SAMD4A: variants seen among roughly 807,000 people sequenced by gnomAD.
SAMD4A encodes the protein sterile alpha motif domain containing 4A, also known as protein Smaug homolog 1.
In SAMD4A, 33 loss-of-function variants were observed where a neutral mutation model predicts 81.3. The observed-to-expected ratio is 0.41, with a 90% CI of 0.31 to 0.54. The LOEUF is 0.54. Ranked by LOEUF, SAMD4A falls within the 20% of genes least tolerant of loss-of-function variation. SAMD4A has a pLI of 0.37. For missense variants in SAMD4A, 854 were observed against 951.1 expected (o/e 0.90, Z 1.34); for synonymous variants, 389 against 382.1 (o/e 1.02, Z -0.21).
intron 2 of SAMD4A, among the ~76,000 whole-genome samples, chr14:54,659,398 G>A (rs2035590459): frequency 6.6e-6 from 1 of 152,156 alleles, no homozygotes; most frequent in African/African-American, 2.4e-5. Context: ...CTGTGTGTGT[G>A]TGTGCGTGCG....
intron 2 of SAMD4A, among the ~76,000 whole-genome samples, chr14:54,691,114 C>T (rs1015800576): frequency 4.6e-5 from 7 of 152,302 alleles, no homozygotes; most frequent in South Asian, 2.1e-4. Flanking sequence ...TCAACTCTGC[C>T]TCTGCGTCTG....
chr14:54,708,385 C>T (rs1349672275), intron 3 of SAMD4A, among the ~76,000 whole-genome samples: 2 of 152,140 alleles, frequency 1.3e-5, no homozygotes, highest in African/African-American at 4.8e-5. Flanking sequence ...ATGAGTTTGG[C>T]ATGTCTGTTG....
intron 3 of SAMD4A, among the ~76,000 whole-genome samples, chr14:54,710,921 A>G (rs2036973922): frequency 6.6e-6 from 1 of 152,204 alleles, no homozygotes; most frequent in African/African-American, 2.4e-5. Context: ...AATTCCTGGC[A>G]CAGATTCAGC....
intron 2 of SAMD4A, among the ~76,000 whole-genome samples, chr14:54,592,738 C>T (rs1389115556): frequency 1.3e-5 from 2 of 152,176 alleles, no homozygotes; most frequent in East Asian, 1.9e-4. Context: ...GGATTACAGG[C>T]GTGAGCCACC....
In SAMD4A at chr14:54,737,072, T is replaced by C. The variant is rs2037713816; in HGVS notation, c.764T>C (p.Leu255Pro). Residue 255 changes from leucine (L) to proline (P), a missense_variant, in exon 4 of 13, where the codon CTT (leucine) becomes CCT (proline). Transcript: ENST00000554335. ...HHSPLKRSVS[L>P]TPPMNVPNQP... is the part of the protein sequence containing the mutation. Reference sequence around the variant, plus strand: ...AGCCCTTTGAAACGATCTGTGTCCCTTACCCCACCCATGAATGTGCCAAAC... The same window carrying C: ...AGCCCTTTGAAACGATCTGTGTCCCCTACCCCACCCATGAATGTGCCAAAC... 6.2e-7 allele frequency: 1 copy of C among 1,613,978 alleles called. No homozygotes were observed. The highest frequency in any genetic ancestry group is 8.5e-7 in the Non-Finnish European group (1 of 1,180,008).
rs1169555064 is a variant in SAMD4A at position 54,764,452 on chromosome 14, C to T, written c.1511-3C>T. 1 of 1,588,284 alleles carries T rather than the reference C, an allele frequency of 6.3e-7. No individual in the cohort carries two copies. Among genetic ancestry groups the T allele is most frequent in the Non-Finnish European group, 8.6e-7 (1 of 1,165,226 alleles). ...CTAATTCATCTTTTCTTTTTAATTA[C>T]AGTGTGCACACAGCTCTTGGTCTCC... On this transcript the variant is annotated splice_region_variant and splice_polypyrimidine_tract_variant and intron_variant, in intron 7 of 12. Coordinates refer to ENST00000554335, the MANE Select transcript of SAMD4A (RefSeq NM_015589.6).
At chr14:54,730,477 G>A (rs1166644502) in intron 3 of SAMD4A, among the ~76,000 whole-genome samples, 3 of 152,168 alleles carry the variant, frequency 2.0e-5, no homozygotes. Context: ...TTGCTTTGTA[G>A]CATGTTCTCT....
chr14:54,745,547 A>T (rs950392337), intron 4 of SAMD4A, among the ~76,000 whole-genome samples: 8 of 152,152 alleles, frequency 5.3e-5, no homozygotes, highest in Non-Finnish European at 1.2e-4. Context: ...TGCTGTTATA[A>T]TTTTTGTATA....
chr14:54,580,146 G>C (rs1199320540), intron 2 of SAMD4A, among the ~76,000 whole-genome samples: 1 of 152,196 alleles, frequency 6.6e-6, no homozygotes, highest in Non-Finnish European at 1.5e-5. Flanking sequence ...CCTGTTAGTA[G>C]GGGAAGAGCT....
intron 2 of SAMD4A, among the ~76,000 whole-genome samples, chr14:54,575,278 C>T (rs568862797): frequency 6.8e-4 from 104 of 152,180 alleles, no homozygotes; most frequent in African/African-American, 2.4e-3. Context: ...CTCCTCAGTC[C>T]GATGCTCTTT....
chr14:54,785,942 C>T (rs2039129253), intron 12 of SAMD4A, among the ~76,000 whole-genome samples: 1 of 152,228 alleles, frequency 6.6e-6, no homozygotes, highest in Non-Finnish European at 1.5e-5. Flanking sequence ...CATTTGCGAG[C>T]CACTGCTCTC....
At chr14:54,672,742 T>C (rs1245836141) in intron 2 of SAMD4A, among the ~76,000 whole-genome samples, 1 of 152,236 alleles carries the variant, frequency 6.6e-6, no homozygotes, top group Non-Finnish European at 1.5e-5. Context: ...CAAGGTAGCA[T>C]GTAAATAAGT....
intron 9 of SAMD4A, among the ~76,000 whole-genome samples, chr14:54,773,338 T>TC (rs2038754453): frequency 1.3e-5 from 2 of 152,182 alleles, no homozygotes; most frequent in Non-Finnish European, 2.9e-5. Context: ...CAGCCCTGCT[T>TC]CCCGGAGTCT....
intron 2 of SAMD4A, among the ~76,000 whole-genome samples, chr14:54,613,124 A>AAG (rs1555336308): frequency 1.8e-5 from 2 of 113,598 alleles, no homozygotes; most frequent in African/African-American, 7.2e-5. Flanking sequence ...AAGAAAGAAA[A>AAG]AGAGAGAGAG....
chr14:54,598,801 C>T lies in SAMD4A; in HGVS notation c.196+30689C>T, dbSNP rs553998749. On this transcript the variant is annotated intron_variant, in intron 2 of 12. Transcript: ENST00000554335. ...CGTGTGTTATTTACATTTCTGTTCCCTCTCCCCTCCCCTCCCCTCCCCTTC... is the reference window on the plus strand; with the variant it reads ...CGTGTGTTATTTACATTTCTGTTCCTTCTCCCCTCCCCTCCCCTCCCCTTC... 7.2e-5 allele frequency among the ~76,000 whole-genome samples: 11 copies of T among 151,920 alleles called. No homozygotes were observed. In the East Asian group the frequency reaches 1.9e-3, roughly 27 times the overall value.
intron 2 of SAMD4A, among the ~76,000 whole-genome samples, chr14:54,655,857 C>G (rs2035508469): frequency 6.6e-6 from 1 of 152,136 alleles, no homozygotes; most frequent in African/African-American, 2.4e-5. Context: ...TATTTCACCA[C>G]CATTTTATCA....
chr14:54,686,236 A>G (rs888135585), intron 2 of SAMD4A, among the ~76,000 whole-genome samples: 1 of 152,134 alleles, frequency 6.6e-6, no homozygotes, highest in African/African-American at 2.4e-5. Context: ...TCAGGAGTGA[A>G]TATCAGCTGA....
At chr14:54,624,832 T>G (rs1023035034) in intron 2 of SAMD4A, among the ~76,000 whole-genome samples, 1 of 152,162 alleles carries the variant, frequency 6.6e-6, no homozygotes, top group Non-Finnish European at 1.5e-5. Flanking sequence ...TCAGAAAGGA[T>G]ACAGCACGGA....
intron 2 of SAMD4A, among the ~76,000 whole-genome samples, chr14:54,640,880 A>G (rs2035159301): frequency 6.6e-6 from 1 of 152,160 alleles, no homozygotes; most frequent in South Asian, 2.1e-4. Flanking sequence ...CCCCTTACAC[A>G]CAGGCTGCAT....
Sources: allele counts gnomAD v4.1 joint callset (sites outside exome capture counted in the v4.1 genomes callset), GRCh38; gene constraint gnomAD v4.1.1; transcripts MANE v1.5; gene names NCBI Gene and HGNC (gene_info 2026-07-23, HGNC 2026-07-21).